ZNF563: variants seen among roughly 807,000 people sequenced by gnomAD.
ZNF563 encodes zinc finger protein 563.
Under a neutral mutation model 48.5 loss-of-function variants are expected in ZNF563, and 39 were observed. The ratio of observed to expected loss-of-function variants is 0.80; its 90% CI spans 0.62 to 1.05. The LOEUF (loss-of-function observed/expected upper bound fraction) is 1.05. ZNF563 is among the 50% of genes least tolerant of loss of function. The pLI is 0.00. For synonymous variants in ZNF563, 168 were observed against 187.9 expected (o/e 0.89, Z 0.87); for missense variants, 538 against 597.0 (o/e 0.90, Z 1.03).
At chr19:12,343,939 C>A in the ZNF563 span, among the ~76,000 whole-genome samples, 1 of 151,864 alleles carries the variant, frequency 6.6e-6, no homozygotes, top group South Asian at 2.1e-4. Context: ...CCGTGTTAGC[C>A]AGGATGGTCC....
chr19:12,340,805 A>G, the ZNF563 span, among the ~76,000 whole-genome samples: 2 of 152,086 alleles, frequency 1.3e-5, no homozygotes, highest in East Asian at 1.9e-4. Context: ...TACGAATCTA[A>G]TATCTGTCAA....
At chr19:12,332,845 C>T (rs1968956831) in intron 1 of ZNF563, among the ~76,000 whole-genome samples, 2 of 152,198 alleles carry the variant, frequency 1.3e-5, no homozygotes, top group South Asian at 4.1e-4. Context: ...ATGGATTTTG[C>T]TTCTTTCGCT....
Position 12,318,576 on chromosome 19 carries a change from CT to C in ZNF563, c.*17del. 1 of 1,601,818 alleles carries C rather than the reference CT, an allele frequency of 6.2e-7. No homozygotes were observed. The highest frequency in any genetic ancestry group is 8.5e-7 in the Non-Finnish European group (1 of 1,173,648). On this transcript the variant is annotated 3_prime_UTR_variant, in exon 4 of 4. Coordinates refer to ENST00000293725, the MANE Select transcript of ZNF563 (RefSeq NM_145276.3). ...CAAAGGGAACTGGAAATATAGAAGGCTTTATAATAGTTTACATTCATATTGT... is the reference window on the plus strand; with the variant it reads ...CAAAGGGAACTGGAAATATAGAAGGCTTATAATAGTTTACATTCATATTGT...
Position 12,319,405 on chromosome 19 carries a change from A to G in ZNF563, c.620T>C (p.Phe207Ser), listed in dbSNP as rs759023190. The G allele has an allele frequency of 1.2e-6, 2 of 1,614,186 alleles. No homozygotes were observed. Among genetic ancestry groups the G allele is most frequent in the Admixed American group, 3.3e-5 (2 of 60,018 alleles). ...YKCKLCGKAF[F>S]WPSLLRMHER... ...ATGCATACGTAATAAACTGGGCCAAAAAAAAGCTTTCCCACACAACTTACA... is the reference window on the plus strand; with the variant it reads ...ATGCATACGTAATAAACTGGGCCAAGAAAAAGCTTTCCCACACAACTTACA... Residue 207 changes from phenylalanine (F) to serine (S), a missense_variant, in exon 4 of 4, where the codon TTT becomes TCT. Physicochemically the swap from Phe to Ser is radical, Grantham distance 155 (BLOSUM62 -2). Coordinates refer to ENST00000293725, the MANE Select transcript of ZNF563 (RefSeq NM_145276.3).
At chr19:12,336,628 A>G (rs993883002), upstream of ZNF563, among the ~76,000 whole-genome samples, 1 of 152,206 alleles carries the variant, frequency 6.6e-6, no homozygotes, top group African/African-American at 2.4e-5. Flanking sequence ...CTGGTAAATA[A>G]TTATTCTGTT....
rs1968471139 is a variant in ZNF563 at position 12,317,665 on chromosome 19, A to C, written c.*929T>G. ...ACATCCGGGTAATTTTGTACCAAAT[A>C]TGTCATTTTTAAAAAAGGACTTGGC... is the stretch of plus-strand genomic sequence containing the variant. On this transcript the variant is annotated 3_prime_UTR_variant, in exon 4 of 4. Coordinates refer to ENST00000293725, the MANE Select transcript of ZNF563 (RefSeq NM_145276.3). 1 of 152,072 alleles carries C rather than the reference A, an allele frequency of 6.6e-6. No homozygotes were observed. Among genetic ancestry groups the C allele is most frequent in the South Asian group, 2.1e-4 (1 of 4,830 alleles). 9.4% of individuals were successfully genotyped at this position (152,072 alleles called of 1,614,324 possible).
chr19:12,328,494 T>C (rs1242191938), intron 1 of ZNF563, among the ~76,000 whole-genome samples: 4 of 152,048 alleles, frequency 2.6e-5, no homozygotes, highest in African/African-American at 9.7e-5. Flanking sequence ...AGAAAAGAGC[T>C]GGGTGCGGTG....
intron 1 of ZNF563, among the ~76,000 whole-genome samples, chr19:12,325,299 G>T (rs1212134761): frequency 3.9e-5 from 6 of 152,092 alleles, no homozygotes; most frequent in Admixed American, 2.6e-4. Flanking sequence ...GGCCAACATA[G>T]TGAAACCCCG....
intron 1 of ZNF563, among the ~76,000 whole-genome samples, chr19:12,330,289 AC>A (rs1200351219): frequency 6.6e-6 from 1 of 152,162 alleles, no homozygotes; most frequent in African/African-American, 2.4e-5. Flanking sequence ...GACAGACATT[AC>A]AGACATATCT....
intron 1 of ZNF563, among the ~76,000 whole-genome samples, chr19:12,333,128 C>T (rs1395844613): frequency 1.3e-5 from 2 of 152,220 alleles, no homozygotes; most frequent in African/African-American, 4.8e-5. Flanking sequence ...CAGATCACAG[C>T]TCCTCACAGG....
chr19:12,345,843 C>CCA, the ZNF563 span: 1 of 152,004 alleles, frequency 6.6e-6, no homozygotes, highest in Non-Finnish European at 1.5e-5. Flanking sequence ...TCACTTGAAC[C>CCA]TGAGGTGGAG....
At chr19:12,338,589 C>T (rs144169050), upstream of ZNF563, among the ~76,000 whole-genome samples, 655 of 152,230 alleles carry the variant, frequency 4.3e-3, 9 homozygotes, top group African/African-American at 0.015. Context: ...CGCAGTGGCT[C>T]ATGCCTGTAA....
At chr19:12,340,835 G>T in the ZNF563 span, among the ~76,000 whole-genome samples, 8 of 151,362 alleles carry the variant, frequency 5.3e-5, no homozygotes, top group African/African-American at 1.7e-4. Context: ...TCAAAAGTGA[G>T]AAAAAAATTA....
upstream of ZNF563, among the ~76,000 whole-genome samples, chr19:12,337,521 G>T (rs1336677744): frequency 6.6e-6 from 1 of 152,004 alleles, no homozygotes; most frequent in Non-Finnish European, 1.5e-5. Flanking sequence ...TTCCTTTCTG[G>T]AAAAAGGCTT....
the ZNF563 span, among the ~76,000 whole-genome samples, chr19:12,345,230 G>A: frequency 6.6e-6 from 1 of 152,106 alleles, no homozygotes; most frequent in Non-Finnish European, 1.5e-5. Context: ...AAATAGAAAA[G>A]CCTATTCTAA....
In ZNF563 at chr19:12,318,950, G is replaced by T. The variant is rs373899518; in HGVS notation, c.1075C>A (p.His359Asn). 7.4e-6 allele frequency: 12 copies of T among 1,614,124 alleles called. No homozygotes were observed. The African/African-American group carries it at 1.3e-4, about 18-fold the overall frequency. Residue 359 changes from histidine (H) to asparagine (N), a missense_variant, in exon 4 of 4, where the codon CAC becomes AAC. His to Asn is a moderately conservative substitution (Grantham distance 68). Transcript: ENST00000293725. ...CATTCATAGGGTTTCTCTCCAGTGT[G>T]AATTCGTTCATGATATCGAACTAAA... ...PSLVRYHERI[H>N]TGEKPYECKQ... is the part of the protein sequence containing the mutation.
intron 1 of ZNF563, among the ~76,000 whole-genome samples, chr19:12,326,391 C>T (rs1968796444): frequency 6.6e-6 from 1 of 152,146 alleles, no homozygotes; most frequent in African/African-American, 2.4e-5. Context: ...CGCCTGTAAT[C>T]CCAGCACTTT....
the ZNF563 span, among the ~76,000 whole-genome samples, chr19:12,339,487 T>C: frequency 6.6e-6 from 1 of 151,260 alleles, no homozygotes. Flanking sequence ...ACCATGTTAG[T>C]CAGGCTGGTC....
upstream of ZNF563, among the ~76,000 whole-genome samples, chr19:12,335,770 T>A (rs149474850): frequency 8.9e-4 from 135 of 152,352 alleles, no homozygotes; most frequent in Non-Finnish European, 1.6e-3. Flanking sequence ...ACTCAGTCTG[T>A]TAGCATTGGA....
Sources: gnomAD v4.1 joint callset for allele counts (sites outside exome capture counted in the v4.1 genomes callset) on GRCh38, gnomAD v4.1.1 for gene constraint, MANE v1.5 for transcripts, NCBI Gene and HGNC (gene_info 2026-07-23, HGNC 2026-07-21) for gene names.